NDUFAF2: variants seen among roughly 807,000 people sequenced by gnomAD.
The protein encoded by NDUFAF2 is NADH dehydrogenase [ubiquinone] 1 alpha subcomplex assembly factor 2.
Under a neutral mutation model 22.8 loss-of-function variants are expected in NDUFAF2, and 13 were observed. That is an observed-to-expected ratio of 0.57 (90% CI 0.37 to 0.91). The LOEUF is 0.91. Among genes scored for constraint, NDUFAF2 ranks in the 40% least tolerant of loss-of-function variants. NDUFAF2 has a pLI of 0.01. For synonymous variants in NDUFAF2, 53 were observed against 64.2 expected (o/e 0.83, Z 0.84); for missense variants, 162 against 195.2 (o/e 0.83, Z 1.01).
chr5:60,959,529 T>A (rs1391357986), intron 1 of NDUFAF2, among the ~76,000 whole-genome samples: 2 of 152,086 alleles, frequency 1.3e-5, no homozygotes, highest in African/African-American at 4.8e-5. Context: ...ACATTTAGTT[T>A]TTTCAATAGT....
At chr5:60,986,700 G>T (rs963933182) in intron 1 of NDUFAF2, among the ~76,000 whole-genome samples, 1 of 152,078 alleles carries the variant, frequency 6.6e-6, no homozygotes, top group Admixed American at 6.5e-5. Flanking sequence ...GGAGGCTGAG[G>T]TGGGCAGATC....
At chr5:61,072,176 G>A (rs1015010221) in intron 1 of NDUFAF2, among the ~76,000 whole-genome samples, 2 of 152,206 alleles carry the variant, frequency 1.3e-5, no homozygotes, top group African/African-American at 4.8e-5. Flanking sequence ...GCAGCAGCTG[G>A]TCTCTCAATG....
At chr5:60,996,352 T>C (rs1425433218) in intron 1 of NDUFAF2, among the ~76,000 whole-genome samples, 1 of 152,128 alleles carries the variant, frequency 6.6e-6, no homozygotes, top group African/African-American at 2.4e-5. Flanking sequence ...AGCTAGGCCC[T>C]GAAACAGGTG....
rs1240336890 is a variant in NDUFAF2 at position 61,147,437 on chromosome 5, C to CTTTT, written c.259-5253_259-5250dup. Among the ~76,000 whole-genome samples the CTTTT allele has an allele frequency of 2.5e-3, 210 of 84,734 alleles. 9 individuals are homozygous for CTTTT. The highest frequency in any genetic ancestry group is 7.4e-3 in the African/African-American group (179 of 24,280). The allele number at this position is 84,734 out of a possible 152,430, so 55.6% of individuals were successfully genotyped here. On this transcript the variant is annotated intron_variant, in intron 3 of 3. Coordinates refer to ENST00000296597, the MANE Select transcript of NDUFAF2 (RefSeq NM_174889.5). ...CTAATTTTTGTATTTTTTTTTCTTT[C>CTTTT]TTTTTTTTTTTTTTTTTGTAGCAAC...
intron 1 of NDUFAF2, among the ~76,000 whole-genome samples, chr5:61,006,202 C>G (rs577104213): frequency 6.6e-6 from 1 of 151,978 alleles, no homozygotes; most frequent in African/African-American, 2.4e-5. Context: ...ATAGGGAATC[C>G]TTTCCCCATT....
At chr5:61,035,721 C>CT (rs1468801726) in intron 1 of NDUFAF2, among the ~76,000 whole-genome samples, 1 of 151,960 alleles carries the variant, frequency 6.6e-6, no homozygotes, top group Non-Finnish European at 1.5e-5. Flanking sequence ...TATTCTTAGA[C>CT]TTACCGAATG....
intron 3 of NDUFAF2, among the ~76,000 whole-genome samples, chr5:61,112,888 C>CTTTTTTTTTTTTTTTTTTTTTTTTTTTT (rs35786013): frequency 7.1e-6 from 1 of 141,148 alleles, no homozygotes. Context: ...TTAGTTTATT[C>CTTTTTTTTTTTTTTTTTTTTTTTTTTTT]TTTTTTTTTT....
At chr5:60,983,217 C>A (rs548905324) in intron 1 of NDUFAF2, among the ~76,000 whole-genome samples, 8,414 of 145,052 alleles carry the variant, frequency 0.058, 847 homozygotes, top group African/African-American at 0.21. Context: ...AGTGTCTGTT[C>A]ATATCCTTTG....
chr5:61,091,782 G>A (rs1580129717), intron 2 of NDUFAF2, among the ~76,000 whole-genome samples: 2 of 151,994 alleles, frequency 1.3e-5, no homozygotes, highest in East Asian at 3.9e-4. Context: ...ATTTCTATAT[G>A]CTCAGTGGTA....
rs771426770 is a variant in NDUFAF2, at chr5:61,007,883, CAA to C, written c.127+62503_127+62504del. The stretch of plus-strand genomic sequence containing the variant: ...TTTATTGCGGCACTATTCACAATAG[CAA>C]AGAGTTGGAACGAAGCCAAAGGTCC... On this transcript the variant is annotated intron_variant, in intron 1 of 3. Coordinates refer to ENST00000296597, the MANE Select transcript of NDUFAF2 (RefSeq NM_174889.5). Among the ~76,000 whole-genome samples the C allele has an allele frequency of 6.3e-4, 96 of 152,078 alleles. No individual in the cohort carries two copies. The Middle Eastern group carries it at 0.01, about 16-fold the overall frequency.
At chr5:61,120,492 T>G (rs1561571192) in intron 3 of NDUFAF2, among the ~76,000 whole-genome samples, 1 of 152,152 alleles carries the variant, frequency 6.6e-6, no homozygotes, top group Non-Finnish European at 1.5e-5. Context: ...TCTTACATAC[T>G]TCTATACAAA....
chr5:60,986,769 A>G (rs1325189040), intron 1 of NDUFAF2, among the ~76,000 whole-genome samples: 6 of 151,836 alleles, frequency 4.0e-5, no homozygotes, highest in Admixed American at 3.3e-4. Flanking sequence ...TCTGTACTAA[A>G]AAAATACAAA....
chr5:61,084,471 A>G (rs1336857163), intron 2 of NDUFAF2, among the ~76,000 whole-genome samples: 1 of 151,840 alleles, frequency 6.6e-6, no homozygotes, highest in African/African-American at 2.4e-5. Context: ...ACAACTCTCC[A>G]TTTCCTCCTT....
chr5:61,131,976 A>T (rs1426981268), intron 3 of NDUFAF2, among the ~76,000 whole-genome samples: 1 of 152,202 alleles, frequency 6.6e-6, no homozygotes, highest in African/African-American at 2.4e-5. Context: ...AGAAAAGAAC[A>T]TTCTGAAGGA....
intron 3 of NDUFAF2, among the ~76,000 whole-genome samples, chr5:61,132,143 G>A (rs906453135): frequency 3.3e-5 from 5 of 152,182 alleles, no homozygotes; most frequent in African/African-American, 1.2e-4. Context: ...CTAGCTGTGT[G>A]ATTTGTCTAT....
At chr5:61,075,879 G>A (rs1752362543) in intron 2 of NDUFAF2, among the ~76,000 whole-genome samples, 1 of 152,258 alleles carries the variant, frequency 6.6e-6, no homozygotes, top group African/African-American at 2.4e-5. Context: ...CCACAATGTA[G>A]ATTAAACAAT....
intron 1 of NDUFAF2, among the ~76,000 whole-genome samples, chr5:60,966,658 A>G (rs991928247): frequency 2.6e-5 from 4 of 152,092 alleles, no homozygotes; most frequent in African/African-American, 9.7e-5. Context: ...TAAAAAATCT[A>G]TTGATGGTAA....
intron 1 of NDUFAF2, among the ~76,000 whole-genome samples, chr5:61,058,548 A>T (rs1159051644): frequency 6.6e-6 from 1 of 152,038 alleles, no homozygotes; most frequent in Non-Finnish European, 1.5e-5. Context: ...AAATTCTTGT[A>T]TAATGTCTTA....
At chr5:60,957,838 GTGTTAT>G (rs964923248) in intron 1 of NDUFAF2, among the ~76,000 whole-genome samples, 1 of 152,192 alleles carries the variant, frequency 6.6e-6, no homozygotes, top group Non-Finnish European at 1.5e-5. Flanking sequence ...CACTGACCAT[GTGTTAT>G]TGTTTGGGTT....
Sources: gnomAD v4.1 joint callset for allele counts (sites outside exome capture counted in the v4.1 genomes callset) on GRCh38, gnomAD v4.1.1 for gene constraint, MANE v1.5 for transcripts, NCBI Gene and HGNC (gene_info 2026-07-23, HGNC 2026-07-21) for gene names.